FBXO8: variants seen among roughly 807,000 people sequenced by gnomAD.
FBXO8 encodes F-box only protein 8.
FBXO8 carries 15 observed loss-of-function variants against 33.4 expected under a neutral mutation model. That is an observed-to-expected ratio of 0.45 (90% CI 0.30 to 0.69). The LOEUF (loss-of-function observed/expected upper bound fraction) is 0.69. FBXO8 is among the 30% of genes least tolerant of loss of function. The pLI, the probability that FBXO8 is intolerant of heterozygous loss-of-function variation, is 0.08. For missense variants in FBXO8, 274 were observed against 380.3 expected, an observed-to-expected ratio of 0.72 and a Z score of 2.32; for synonymous variants, 132 against 131.5, an observed-to-expected ratio of 1.00 and a Z score of -0.02.
In FBXO8 at chr4:174,255,768, A is replaced by G. The variant is rs915123819; in HGVS notation, c.456+3931T>C. Among the ~76,000 whole-genome samples, 3 of 152,226 alleles carry G rather than the reference A, an allele frequency of 2.0e-5. No homozygotes were observed. The highest frequency in any genetic ancestry group is 4.4e-5 in the Non-Finnish European group (3 of 68,038). On this transcript the variant is annotated intron_variant, in intron 3 of 5. Transcript: ENST00000393674. The surrounding 1 kb of genome is among the most constrained non-coding windows in gnomAD (Gnocchi z 4.3). ...AAGAAAGTGTTTTAATATACATTGG[A>G]GCACAAGTAATATAGTTTACTGGTT...
rs1031065328 is a variant in FBXO8, at chr4:174,254,254, T to C, written c.456+5445A>G. Among the ~76,000 whole-genome samples the C allele has an allele frequency of 2.0e-5, 3 of 152,230 alleles. No homozygotes were observed. Among genetic ancestry groups the C allele is most frequent in the African/African-American group, 7.2e-5 (3 of 41,468 alleles). On this transcript the variant is annotated intron_variant, in intron 3 of 5. Transcript: ENST00000393674. This position sits in a 1 kb window ranked among gnomAD's most constrained non-coding sequence, Gnocchi z 4.2. ...AGTTTATCTTTCTCTTTCTTTATGC[T>C]ATCTGGCATTGTTTGAAGTATGTGT...
chr4:174,273,124 T>C (rs1324125806), intron 1 of FBXO8, among the ~76,000 whole-genome samples: 2 of 151,834 alleles, frequency 1.3e-5, no homozygotes, highest in Non-Finnish European at 2.9e-5. Context: ...CCTGTCTCTA[T>C]AAAAAATTAA....
rs1273009964 is a variant in FBXO8, at chr4:174,256,674, A to G, written c.456+3025T>C. ...CTCTGACCTTATTAAGTGTATTGCA[A>G]TGTCCTTTTTTTCCTATATATTTCC... is the stretch of plus-strand genomic sequence containing the variant. On this transcript the variant is annotated intron_variant, in intron 3 of 5. Transcript: ENST00000393674. The surrounding 1 kb of genome is among the most constrained non-coding windows in gnomAD (Gnocchi z 4.6). Among the ~76,000 whole-genome samples, 1 of 152,186 alleles carries G rather than the reference A, an allele frequency of 6.6e-6. No homozygotes were observed. The highest frequency in any genetic ancestry group is 2.4e-5 in the African/African-American group (1 of 41,448).
chr4:174,271,440 T>C (rs954309132), intron 1 of FBXO8, among the ~76,000 whole-genome samples: 3 of 152,266 alleles, frequency 2.0e-5, no homozygotes, highest in Middle Eastern at 3.4e-3. Flanking sequence ...AATGTCCCCC[T>C]TGTATGATTT....
chr4:174,282,543 T>TA (rs1202073918), intron 1 of FBXO8, among the ~76,000 whole-genome samples: 5 of 152,172 alleles, frequency 3.3e-5, no homozygotes, highest in Admixed American at 2.6e-4. Flanking sequence ...ACCTACTCTG[T>TA]TTCACATATC....
At chr4:174,269,187 AC>A in intron 1 of FBXO8, 1 of 152,220 alleles carries the variant, frequency 6.6e-6, no homozygotes. Flanking sequence ...CAGAAACATA[AC>A]TTCATTATTT....
Position 174,259,100 on chromosome 4 carries a change from A to C in FBXO8, c.456+599T>G, listed in dbSNP as rs1440207255. ...GTAAAATAAGAATAGAGAAAAAAAA[A>C]ATCAGTGAAAAAGTTGTTTTCACAT... On this transcript the variant is annotated intron_variant, in intron 3 of 5. Coordinates refer to ENST00000393674, the MANE Select transcript of FBXO8 (RefSeq NM_012180.3). This position sits in a 1 kb window ranked among gnomAD's most constrained non-coding sequence, Gnocchi z 4.3. Among the ~76,000 whole-genome samples the C allele has an allele frequency of 6.6e-6, 1 of 152,036 alleles. No homozygotes were observed. The highest frequency in any genetic ancestry group is 1.5e-5 in the Non-Finnish European group (1 of 67,922).
At chr4:174,282,202 T>C (rs1737114859) in intron 1 of FBXO8, among the ~76,000 whole-genome samples, 1 of 152,226 alleles carries the variant, frequency 6.6e-6, no homozygotes, top group Admixed American at 6.5e-5. Flanking sequence ...AGTGACCATA[T>C]GTAATAAATT....
chr4:174,265,825 G>T lies in FBXO8; in HGVS notation c.-8-2725C>A, dbSNP rs1020873514. On this transcript the variant is annotated intron_variant, in intron 1 of 5. Transcript: ENST00000393674. The surrounding 1 kb of genome is among the most constrained non-coding windows in gnomAD (Gnocchi z 4.7). ...ACATTTTAAGTCTACTAATCATAAA[G>T]AAAAGTATTTTATTTTCACCATTGC... Among the ~76,000 whole-genome samples, 2 of 152,128 alleles carry T rather than the reference G, an allele frequency of 1.3e-5. No homozygotes were observed. Among genetic ancestry groups the T allele is most frequent in the Middle Eastern group, 3.4e-3 (1 of 294 alleles).
At chr4:174,239,236 TA>T (rs765131245) in intron 4 of FBXO8, 46 bp from the exon 5 acceptor site, 14 of 1,320,564 alleles carry the variant, frequency 1.1e-5, no homozygotes, top group Middle Eastern at 3.9e-4. Context: ...TTTTCTTCAT[TA>T]AAAAAATGGT....
Position 174,262,422 on chromosome 4 carries a change from T to C in FBXO8, c.329+342A>G, listed in dbSNP as rs1247445009. Among the ~76,000 whole-genome samples, 1 of 152,186 alleles carries C rather than the reference T, an allele frequency of 6.6e-6. No homozygotes were observed. The highest frequency in any genetic ancestry group is 2.4e-5 in the African/African-American group (1 of 41,454). On this transcript the variant is annotated intron_variant, in intron 2 of 5. Transcript: ENST00000393674. This position sits in a 1 kb window ranked among gnomAD's most constrained non-coding sequence, Gnocchi z 4.6. ...TATGGGAAGCACAAACTACACAGCA[T>C]GTGAACACTCCAACTTTTAAATTAG... is the stretch of plus-strand genomic sequence containing the variant.
At chr4:174,242,190 A>G (rs1258755945) in intron 3 of FBXO8, among the ~76,000 whole-genome samples, 2 of 151,658 alleles carry the variant, frequency 1.3e-5, no homozygotes, top group Admixed American at 1.3e-4. Context: ...GACGTATTAT[A>G]TACACACAAC....
rs1162787377 is a variant in FBXO8, at chr4:174,247,007, C to T, written c.457-5789G>A. On this transcript the variant is annotated intron_variant, in intron 3 of 5. Coordinates refer to ENST00000393674, the MANE Select transcript of FBXO8 (RefSeq NM_012180.3). This position sits in a 1 kb window ranked among gnomAD's most constrained non-coding sequence, Gnocchi z 4.6. ...AGGAGTGCCAAGCAGCAGTGAGAAT[C>T]TAGGTGAAGTTAATGTGAATTCAGC... is the stretch of plus-strand genomic sequence containing the variant. Among the ~76,000 whole-genome samples the T allele has an allele frequency of 6.6e-6, 1 of 151,960 alleles. No individual in the cohort carries two copies. Among genetic ancestry groups the T allele is most frequent in the Admixed American group, 6.6e-5 (1 of 15,206 alleles).
chr4:174,242,846 C>T (rs1166603471), intron 3 of FBXO8, among the ~76,000 whole-genome samples: 1 of 151,442 alleles, frequency 6.6e-6, no homozygotes, highest in Non-Finnish European at 1.5e-5. Flanking sequence ...CAAAATTCCT[C>T]AGTGTAAAAG....
chr4:174,243,978 G>A (rs1280492957), intron 3 of FBXO8, among the ~76,000 whole-genome samples: 2 of 151,606 alleles, frequency 1.3e-5, no homozygotes, highest in East Asian at 1.9e-4. Flanking sequence ...GTTGAAGGCT[G>A]TAGAATTCAT....
chr4:174,281,919 C>T lies in FBXO8; in HGVS notation c.-9+1491G>A, dbSNP rs1737100603. 6.6e-6 allele frequency among the ~76,000 whole-genome samples: 1 copy of T among 152,042 alleles called. No individual in the cohort carries two copies. Among genetic ancestry groups the T allele is most frequent in the Non-Finnish European group, 1.5e-5 (1 of 68,000 alleles). ...AAGAAAAAGAAACAGAAATTAAATG[C>T]ATAATTCTTAGACTTTAGTATTAAT... On this transcript the variant is annotated intron_variant, in intron 1 of 5. Coordinates refer to ENST00000393674, the MANE Select transcript of FBXO8 (RefSeq NM_012180.3). The surrounding 1 kb of genome is among the most constrained non-coding windows in gnomAD (Gnocchi z 4.6).
rs947378006 is a variant in FBXO8 at position 174,263,746 on chromosome 4, T to C, written c.-8-646A>G. Among the ~76,000 whole-genome samples, 3 of 152,190 alleles carry C rather than the reference T, an allele frequency of 2.0e-5. No individual in the cohort carries two copies. The highest frequency in any genetic ancestry group is 2.0e-4 in the Admixed American group (3 of 15,282). On this transcript the variant is annotated intron_variant, in intron 1 of 5. Transcript: ENST00000393674. This position sits in a 1 kb window ranked among gnomAD's most constrained non-coding sequence, Gnocchi z 4.2. ...ATTTAGTTTTGTTGTTGCCTTAAATTAAAAATTGTAATTTAGAGAAATTTT... is the reference window on the plus strand; with the variant it reads ...ATTTAGTTTTGTTGTTGCCTTAAATCAAAAATTGTAATTTAGAGAAATTTT...
At position 174,259,815 on chromosome 4, in the gene FBXO8, A is replaced by T; in HGVS notation, c.340T>A (p.Ser114Thr). Reference sequence around the variant, plus strand: ...TATATGGAACAGTGACCCCAAGTGGATTTGCACAACCTATAAAATCAGAGA... The same window carrying T: ...TATATGGAACAGTGACCCCAAGTGGTTTTGCACAACCTATAAAATCAGAGA... ...DELLWQGLCK[S>T]TWGHCSIYNK... Residue 114 changes from serine to threonine, a missense_variant, in exon 3 of 6, where the codon TCC becomes ACC. Physicochemically the swap from Ser to Thr is moderately conservative, Grantham distance 58. Coordinates refer to ENST00000393674, the MANE Select transcript of FBXO8 (RefSeq NM_012180.3). The surrounding 1 kb of genome is among the most constrained non-coding windows in gnomAD (Gnocchi z 4.3). 6.3e-7 allele frequency: 1 copy of T among 1,587,912 alleles called. No individual in the cohort carries two copies. Among genetic ancestry groups the T allele is most frequent in the Non-Finnish European group, 8.5e-7 (1 of 1,172,986 alleles).
rs1737204946 is a variant in FBXO8 at position 174,283,625 on chromosome 4, G to A, written c.-224C>T. 2.9e-6 allele frequency: 1 copy of A among 350,350 alleles called. No individual in the cohort carries two copies. Among genetic ancestry groups the A allele is most frequent in the Non-Finnish European group, 5.1e-6 (1 of 196,358 alleles). The allele number at this position is 350,350 out of a possible 1,614,324, so 21.7% of individuals were successfully genotyped here. ...ACTCAGGGTACCTCCAGCTGCAGGG[G>A]CCAGAACTGCCGACTATCCCAATTT... On this transcript the variant is annotated 5_prime_UTR_variant, in exon 1 of 6. Transcript: ENST00000393674. This position sits in a 1 kb window ranked among gnomAD's most constrained non-coding sequence, Gnocchi z 6.7.
Sources: gnomAD v4.1 joint callset for allele counts (sites outside exome capture counted in the v4.1 genomes callset) on GRCh38, gnomAD v4.1.1 for gene constraint, Gnocchi (gnomAD v3.1) non-coding constraint, MANE v1.5 for transcripts, NCBI Gene and HGNC (gene_info 2026-07-23, HGNC 2026-07-21) for gene names.